Variants in ARHGAP24 observed in about 807,000 individuals in gnomAD.
The protein encoded by ARHGAP24 is Rho GTPase activating protein 24.
A neutral mutation model predicts 76.4 loss-of-function variants in ARHGAP24; 50 were observed. The observed-to-expected ratio is 0.65, with a 90% confidence interval of 0.52 to 0.83. The LOEUF is 0.83. Among genes scored for constraint, ARHGAP24 ranks in the 40% least tolerant of loss-of-function variants. ARHGAP24 has a pLI of 0.00. For synonymous variants in ARHGAP24, 345 were observed against 323.3 expected, an observed-to-expected ratio of 1.07 and a Z score of -0.72; for missense variants, 930 against 914.2, an observed-to-expected ratio of 1.02 and a Z score of -0.22.
chr4:85,538,105 G>A (rs1370916455), intron 1 of ARHGAP24, among the ~76,000 whole-genome samples: 1 of 152,018 alleles, frequency 6.6e-6, no homozygotes, highest in African/African-American at 2.4e-5. Flanking sequence ...TAGTTAGGGA[G>A]GGGTAACCAA....
At chr4:85,603,871 T>C (rs1720110842) in intron 2 of ARHGAP24, among the ~76,000 whole-genome samples, 1 of 152,202 alleles carries the variant, frequency 6.6e-6, no homozygotes, top group Non-Finnish European at 1.5e-5. Flanking sequence ...TGATTTTTTT[T>C]TTAATCTTTG....
At position 85,514,817 on chromosome 4, in the gene ARHGAP24, T is replaced by TA. The variant is rs773699457; in HGVS notation, c.-21+39284dup. On this transcript the variant is annotated intron_variant, in intron 1 of 9. Transcript: ENST00000395184. ...AATATATAGAAATTACTCTAAATTGTAAAAAAAAAAAAAAAAAAAAAAAAA... is the reference window on the plus strand; with the variant it reads ...AATATATAGAAATTACTCTAAATTGTAAAAAAAAAAAAAAAAAAAAAAAAAA... Among the ~76,000 whole-genome samples, 59 of 82,490 alleles carry TA rather than the reference T, an allele frequency of 7.2e-4. 7 individuals are homozygous for TA. Among genetic ancestry groups the TA allele is most frequent in the South Asian group, 2.2e-3 (4 of 1,808 alleles). 54.1% of individuals were successfully genotyped at this position (82,490 alleles called of 152,430 possible).
chr4:85,883,071 A>G (rs960992438), intron 3 of ARHGAP24, among the ~76,000 whole-genome samples: 2 of 152,180 alleles, frequency 1.3e-5, no homozygotes, highest in African/African-American at 2.4e-5. Context: ...ATCAGCAGGG[A>G]TACTTCTGGG....
chr4:85,730,191 G>C (rs1372560427), intron 3 of ARHGAP24, among the ~76,000 whole-genome samples: 1 of 152,150 alleles, frequency 6.6e-6, no homozygotes, highest in Non-Finnish European at 1.5e-5. Context: ...TGGAATTCTA[G>C]ATTCTGACCA....
chr4:85,529,757 T>C (rs2110115915), intron 1 of ARHGAP24, among the ~76,000 whole-genome samples: 1 of 152,098 alleles, frequency 6.6e-6, no homozygotes, highest in Non-Finnish European at 1.5e-5. Context: ...TTATTCTAAA[T>C]GATGATTAGC....
At chr4:85,915,356 CT>C (rs1202386592) in intron 3 of ARHGAP24, among the ~76,000 whole-genome samples, 2 of 152,048 alleles carry the variant, frequency 1.3e-5, no homozygotes, top group East Asian at 1.9e-4. Context: ...CACAATTATA[CT>C]TTTTTAAAAA....
rs147642072 is a variant in ARHGAP24 at position 85,956,937 on chromosome 4, G to C, written c.599+14664G>C. ...AGGGGACCCAAAGAGGGTAGCTGTT[G>C]CTGGCTCAAATGCCTGGGTTTATAT... On this transcript the variant is annotated intron_variant, in intron 5 of 9. Transcript: ENST00000395184. Among the ~76,000 whole-genome samples, 1,297 of 152,360 alleles carry C rather than the reference G, an allele frequency of 8.5e-3. 10 individuals are homozygous for C. Among genetic ancestry groups the C allele is most frequent in the Non-Finnish European group, 0.012 (823 of 68,026 alleles).
At chr4:85,799,321 A>C (rs570384648) in intron 3 of ARHGAP24, among the ~76,000 whole-genome samples, 18 of 152,252 alleles carry the variant, frequency 1.2e-4, no homozygotes, top group Non-Finnish European at 2.4e-4. Flanking sequence ...AGAAAAAAAA[A>C]CAAAAAACAA....
At chr4:85,682,754 A>T (rs1342463244) in intron 2 of ARHGAP24, among the ~76,000 whole-genome samples, 2 of 152,194 alleles carry the variant, frequency 1.3e-5, no homozygotes, top group African/African-American at 4.8e-5. Flanking sequence ...TCAGAAGCAG[A>T]CACTATGAAA....
At position 85,666,504 on chromosome 4, in the gene ARHGAP24, C is replaced by T. The variant is rs574022233; in HGVS notation, c.181-55381C>T. Among the ~76,000 whole-genome samples, 270 of 152,328 alleles carry T rather than the reference C, an allele frequency of 1.8e-3. 1 individual carries two copies. The highest frequency in any genetic ancestry group is 3.0e-3 in the Non-Finnish European group (202 of 68,032). On this transcript the variant is annotated intron_variant, in intron 2 of 9. Coordinates refer to ENST00000395184, the MANE Select transcript of ARHGAP24 (RefSeq NM_001025616.3). The stretch of plus-strand genomic sequence containing the variant: ...CCTTCTTCTCTCAACTCGTCAAAGT[C>T]ATTCTCCGTCCAGCTTTATTCCATT...
intron 3 of ARHGAP24, among the ~76,000 whole-genome samples, chr4:85,870,902 C>T (rs892078560): frequency 3.9e-5 from 6 of 152,146 alleles, no homozygotes; most frequent in African/African-American, 1.4e-4. Context: ...TGTTTCATGA[C>T]TTTACTTCAA....
At chr4:85,598,796 GA>G (rs932228417) in intron 2 of ARHGAP24, among the ~76,000 whole-genome samples, 1 of 148,676 alleles carries the variant, frequency 6.7e-6, no homozygotes, top group African/African-American at 2.5e-5. Flanking sequence ...ATTGCAGACT[GA>G]AAAAAACTAT....
chr4:85,956,966 G>A (rs557916844), intron 5 of ARHGAP24, among the ~76,000 whole-genome samples: 17 of 152,292 alleles, frequency 1.1e-4, no homozygotes, highest in African/African-American at 2.9e-4. Context: ...TTTATATCCC[G>A]ATCATAGTCC....
intron 1 of ARHGAP24, among the ~76,000 whole-genome samples, chr4:85,539,412 C>T (rs1725593526): frequency 6.6e-6 from 1 of 151,972 alleles, no homozygotes; most frequent in South Asian, 2.1e-4. Flanking sequence ...CTTTTTCAAA[C>T]AACATTTTAA....
chr4:85,935,313 C>T (rs984155912), intron 4 of ARHGAP24, among the ~76,000 whole-genome samples: 2 of 152,128 alleles, frequency 1.3e-5, no homozygotes, highest in African/African-American at 4.8e-5. Context: ...TTCACAGACT[C>T]CTTGGAATAA....
intron 8 of ARHGAP24, among the ~76,000 whole-genome samples, chr4:85,982,315 AAT>A (rs1172026695): frequency 4.6e-5 from 7 of 152,022 alleles, no homozygotes; most frequent in Admixed American, 6.6e-5. Flanking sequence ...GAGAAAAGTA[AAT>A]TTCTCTAGGT....
At chr4:85,550,371 T>G (rs905314682) in intron 1 of ARHGAP24, among the ~76,000 whole-genome samples, 1 of 152,214 alleles carries the variant, frequency 6.6e-6, no homozygotes, top group African/African-American at 2.4e-5. Context: ...TCTGGCGTTA[T>G]TTTTGGGCTC....
At chr4:85,762,285 T>A (rs1014750668) in intron 3 of ARHGAP24, among the ~76,000 whole-genome samples, 3 of 152,206 alleles carry the variant, frequency 2.0e-5, no homozygotes, top group African/African-American at 7.2e-5. Context: ...GCATGCTACA[T>A]CATTTGCACA....
chr4:85,810,897 T>C (rs1434250196), intron 3 of ARHGAP24, among the ~76,000 whole-genome samples: 1 of 152,220 alleles, frequency 6.6e-6, no homozygotes, highest in South Asian at 2.1e-4. Context: ...GAAAGCAACA[T>C]GTCCATTAAT....
Sources: gnomAD v4.1 joint callset for allele counts (sites outside exome capture counted in the v4.1 genomes callset) on GRCh38, gnomAD v4.1.1 for gene constraint, MANE v1.5 for transcripts, NCBI Gene and HGNC (gene_info 2026-07-23, HGNC 2026-07-21) for gene names.